SNED1: variants seen among roughly 807,000 people sequenced by gnomAD.
SNED1 encodes sushi, nidogen and EGF-like domain-containing protein 1.
Under a neutral mutation model 166.7 loss-of-function variants are expected in SNED1, and 81 were observed. The observed-to-expected ratio is 0.49, with a 90% confidence interval of 0.41 to 0.58. The LOEUF is 0.58. Ranked by LOEUF, SNED1 falls within the 20% of genes least tolerant of loss-of-function variation. SNED1 has a pLI of 0.00. For synonymous variants in SNED1, 762 were observed against 822.0 expected (o/e 0.93, Z 1.25); for missense variants, 1,604 against 2,000.2 (o/e 0.80, Z 3.78).
chr2:241,056,420 T>C (rs571446932), intron 16 of SNED1, among the ~76,000 whole-genome samples: 1 of 150,548 alleles, frequency 6.6e-6, no homozygotes, highest in African/African-American at 2.4e-5. Flanking sequence ...CCAGCTGAAA[T>C]GAATAAATTG....
chr2:241,047,537 A>G (rs945703075), intron 8 of SNED1, among the ~76,000 whole-genome samples: 2 of 152,260 alleles, frequency 1.3e-5, no homozygotes, highest in Non-Finnish European at 2.9e-5. Flanking sequence ...CTTGGCCATC[A>G]TAGGCCATAT....
rs2061829177 is a variant in SNED1 at position 241,051,227 on chromosome 2, T to C, written c.1736-517T>C. On this transcript the variant is annotated intron_variant, in intron 12 of 31. Coordinates refer to ENST00000310397, the MANE Select transcript of SNED1 (RefSeq NM_001080437.3). The surrounding 1 kb of genome is among the most constrained non-coding windows in gnomAD (Gnocchi z 4.7). ...TTGGTTTCGCAGACACCTTTAAATA[T>C]GTGCTTGCCTCAAGCACAGGCCCGG... 1 of 152,886 alleles carries C rather than the reference T, an allele frequency of 6.5e-6. No homozygotes were observed. Among genetic ancestry groups the C allele is most frequent in the African/African-American group, 2.4e-5 (1 of 41,484 alleles). The allele number at this position is 152,886 out of a possible 1,614,324, so 9.5% of individuals were successfully genotyped here.
At chr2:241,031,595 T>C (rs1207152054) in intron 2 of SNED1, among the ~76,000 whole-genome samples, 1 of 152,128 alleles carries the variant, frequency 6.6e-6, no homozygotes, top group Non-Finnish European at 1.5e-5. Flanking sequence ...CAGGAGCAGG[T>C]TCATTGACAG....
At chr2:241,070,257 C>T (rs1198938315) in intron 24 of SNED1, 56 bp downstream of exon 24, 1 of 1,515,094 alleles carries the variant, frequency 6.6e-7, no homozygotes, top group South Asian at 1.2e-5. Flanking sequence ...GCCCTCCACC[C>T]TGTTCAGGAC....
At chr2:241,082,498 C>T (rs1184830307) in intron 29 of SNED1, 134 bp downstream of exon 29, 3 of 634,752 alleles carry the variant, frequency 4.7e-6, no homozygotes, top group East Asian at 2.6e-5. Context: ...TTGCTTTGAC[C>T]ATCGATTCCC....
chr2:241,060,644 T>A (rs1291716382), intron 16 of SNED1, among the ~76,000 whole-genome samples: 1 of 151,412 alleles, frequency 6.6e-6, no homozygotes, highest in African/African-American at 2.4e-5. Context: ...AATGTTTCTT[T>A]AAAAAAAAAC....
chr2:241,047,452 A>G (rs1025837415), intron 8 of SNED1, among the ~76,000 whole-genome samples: 1 of 152,206 alleles, frequency 6.6e-6, no homozygotes, highest in Non-Finnish European at 1.5e-5. Context: ...GTACACAGGA[A>G]ATCAGTAAAG....
chr2:241,046,331 T>C (rs886201895), intron 8 of SNED1, among the ~76,000 whole-genome samples: 7 of 152,208 alleles, frequency 4.6e-5, no homozygotes, highest in Admixed American at 2.0e-4. Flanking sequence ...TGAAAACTTA[T>C]GTTTACACAC....
At chr2:241,048,914 G>C in intron 10 of SNED1, 108 bp from the exon 11 acceptor site, 1 of 1,216,918 alleles carries the variant, frequency 8.2e-7, no homozygotes, top group Non-Finnish European at 1.2e-6. Flanking sequence ...AAGAGTGCCT[G>C]AACCTGTTGG....
chr2:241,028,643 T>C (rs1247419005), intron 1 of SNED1, among the ~76,000 whole-genome samples: 1 of 152,232 alleles, frequency 6.6e-6, no homozygotes, highest in Admixed American at 6.5e-5. Context: ...CATCAGTCTG[T>C]ATATCTGTCT....
At position 241,048,393 on chromosome 2, in the gene SNED1, A is replaced by T; in HGVS notation, c.1352A>T (p.Tyr451Phe). The T allele has an allele frequency of 1.2e-6, 2 of 1,611,956 alleles. No homozygotes were observed. Among genetic ancestry groups the T allele is most frequent in the Non-Finnish European group, 1.7e-6 (2 of 1,179,204 alleles). ...ACCTGTGTGGATGCGGACCAGGGCTACGTGTGCGAGTGCCCCGAAGGCTTC... is the reference window on the plus strand; with the variant it reads ...ACCTGTGTGGATGCGGACCAGGGCTTCGTGTGCGAGTGCCCCGAAGGCTTC... ...GGTCVDADQG[Y>F]VCECPEGFMG... Residue 451 changes from tyrosine (Y) to phenylalanine (F), a missense_variant, in exon 9 of 32, where the codon TAC becomes TTC. Physicochemically the swap from Tyr to Phe is conservative, Grantham distance 22. Coordinates refer to ENST00000310397, the MANE Select transcript of SNED1 (RefSeq NM_001080437.3).
In SNED1 at chr2:241,080,790, G is replaced by A. The variant is rs183041046; in HGVS notation, c.3917-887G>A. ...TTTGGAGCTTGCTGAGGACCAACTC[G>A]GTCTGCAGGCACACAAGCAAAGGAG... is the stretch of plus-strand genomic sequence containing the variant. On this transcript the variant is annotated intron_variant, in intron 27 of 31. Transcript: ENST00000310397. Among the ~76,000 whole-genome samples the A allele has an allele frequency of 1.2e-3, 187 of 152,346 alleles. 1 individual carries two copies. The highest frequency in any genetic ancestry group is 4.4e-3 in the African/African-American group (181 of 41,596).
chr2:241,089,613 C>T (rs189849817), intron 31 of SNED1, among the ~76,000 whole-genome samples: 405 of 152,346 alleles, frequency 2.7e-3, no homozygotes, highest in Admixed American at 5.3e-3. Flanking sequence ...GCATTCACTT[C>T]CTGTTGACTC....
At position 241,002,909 on chromosome 2, in the gene SNED1, C is replaced by T. The variant is rs186245032; in HGVS notation, c.213+3859C>T. The stretch of plus-strand genomic sequence containing the variant: ...TCACCCTCCACGTCAGCAGCAGCTC[C>T]GCCTGCCTCTCTACTTGGACCACTT... On this transcript the variant is annotated intron_variant, in intron 1 of 31. Transcript: ENST00000310397. 2.0e-3 allele frequency among the ~76,000 whole-genome samples: 298 copies of T among 151,978 alleles called. 2 individuals carry two copies. The highest frequency in any genetic ancestry group is 6.8e-3 in the African/African-American group (281 of 41,448).
At chr2:241,080,462 G>T (rs1244940272) in intron 27 of SNED1, among the ~76,000 whole-genome samples, 1 of 152,158 alleles carries the variant, frequency 6.6e-6, no homozygotes, top group African/African-American at 2.4e-5. Context: ...CAGGCTGTGG[G>T]CTCTAGATCT....
Position 240,998,980 on chromosome 2 carries a change from AC to A in SNED1, c.144del (p.Asp48GlufsTer25). On this transcript the variant is annotated frameshift_variant, in exon 1 of 32. Transcript: ENST00000310397. LOFTEE classifies it high-confidence loss of function. ...RGDAVTPKQD[D>X]GGSGLRPLSV... ...GACGCCGTCACCCCCAAGCAGGACG[AC>A]GGCGGCTCGGGGCTGCGGCCGCTCT... 1 of 1,327,808 alleles carries A rather than the reference AC, an allele frequency of 7.5e-7. No homozygotes were observed. Among genetic ancestry groups the A allele is most frequent in the South Asian group, 1.8e-5 (1 of 55,990 alleles). The allele number at this position is 1,327,808 out of a possible 1,614,324, so 82.3% of individuals were successfully genotyped here.
chr2:241,007,363 C>G (rs1369774502), intron 1 of SNED1, among the ~76,000 whole-genome samples: 1 of 152,150 alleles, frequency 6.6e-6, no homozygotes, highest in Non-Finnish European at 1.5e-5. Context: ...TGTTGACTTA[C>G]TCACTACTTC....
intron 8 of SNED1, among the ~76,000 whole-genome samples, chr2:241,043,762 A>G (rs1212595630): frequency 6.6e-6 from 1 of 152,232 alleles, no homozygotes; most frequent in African/African-American, 2.4e-5. Context: ...TGTGAGCCAT[A>G]TGGTCTCTAT....
rs1479687633 is a variant in SNED1, at chr2:241,018,438, G to T, written c.214-11846G>T. Among the ~76,000 whole-genome samples, 2 of 152,150 alleles carry T rather than the reference G, an allele frequency of 1.3e-5. No individual in the cohort carries two copies. Among genetic ancestry groups the T allele is most frequent in the African/African-American group, 4.8e-5 (2 of 41,428 alleles). Reference sequence around the variant, plus strand: ...GCCATGAGGCACCTTGCCAGGTGCTGGATTTAAGGGGCAAAGAACATTCGT... The same window carrying T: ...GCCATGAGGCACCTTGCCAGGTGCTTGATTTAAGGGGCAAAGAACATTCGT... On this transcript the variant is annotated intron_variant, in intron 1 of 31. Transcript: ENST00000310397. The surrounding 1 kb of genome is among the most constrained non-coding windows in gnomAD (Gnocchi z 5.4).
Sources: allele counts gnomAD v4.1 joint callset (sites outside exome capture counted in the v4.1 genomes callset), GRCh38; gene constraint gnomAD v4.1.1; non-coding constraint Gnocchi (gnomAD v3.1); transcripts MANE v1.5; gene names NCBI Gene and HGNC (gene_info 2026-07-23, HGNC 2026-07-21).